Variants in MAPK10 observed in about 807,000 individuals in gnomAD.
MAPK10 encodes mitogen-activated protein kinase 10.
A neutral mutation model predicts 59.3 loss-of-function variants in MAPK10; 25 were observed. That is an observed-to-expected ratio of 0.42 (90% confidence interval 0.31 to 0.59). The LOEUF (loss-of-function observed/expected upper bound fraction) is 0.59. Among genes scored for constraint, MAPK10 ranks in the 20% least tolerant of loss-of-function variants. MAPK10 has a pLI of 0.15. For missense variants in MAPK10, 351 were observed against 568.9 expected, an observed-to-expected ratio of 0.62 and a Z score of 3.90; for synonymous variants, 190 against 200.5, an observed-to-expected ratio of 0.95 and a Z score of 0.44.
intron 1 of MAPK10, among the ~76,000 whole-genome samples, chr4:86,421,014 A>G (rs1018012095): frequency 1.3e-5 from 2 of 151,542 alleles, no homozygotes; most frequent in South Asian, 2.1e-4. Flanking sequence ...CCCGGGAGGC[A>G]GAGGTTGCAG....
At chr4:86,287,109 C>T (rs1017250011) in intron 2 of MAPK10, among the ~76,000 whole-genome samples, 5 of 152,108 alleles carry the variant, frequency 3.3e-5, no homozygotes, top group Non-Finnish European at 7.4e-5. Flanking sequence ...AAAGGAGGAA[C>T]ATTTACCCAG....
At chr4:86,569,635 C>T (rs1194032310) in intron 1 of MAPK10, among the ~76,000 whole-genome samples, 1 of 152,028 alleles carries the variant, frequency 6.6e-6, no homozygotes, top group Non-Finnish European at 1.5e-5. Flanking sequence ...AGGAATAAAA[C>T]CATGTCTTTT....
At chr4:86,420,980 G>A (rs981164919) in intron 1 of MAPK10, among the ~76,000 whole-genome samples, 1 of 151,970 alleles carries the variant, frequency 6.6e-6, no homozygotes, top group African/African-American at 2.4e-5. Flanking sequence ...TGCTTGGGAG[G>A]CTGAGGCAGG....
chr4:86,380,487 G>A (rs974777707), intron 1 of MAPK10, among the ~76,000 whole-genome samples: 3 of 152,160 alleles, frequency 2.0e-5, no homozygotes, highest in African/African-American at 7.2e-5. Context: ...GACTGCCACT[G>A]ACAAACAAGC....
At chr4:86,153,384 T>C (rs1289310821) in intron 4 of MAPK10, among the ~76,000 whole-genome samples, 1 of 152,184 alleles carries the variant, frequency 6.6e-6, no homozygotes, top group Non-Finnish European at 1.5e-5. Flanking sequence ...GCTGTCAGTT[T>C]TTACTACAGG....
At chr4:86,059,833 T>C (rs1306361376) in intron 11 of MAPK10, among the ~76,000 whole-genome samples, 3 of 152,154 alleles carry the variant, frequency 2.0e-5, no homozygotes, top group Admixed American at 2.0e-4. Context: ...CCAGGCCTCA[T>C]TTCCAGCATT....
intron 2 of MAPK10, among the ~76,000 whole-genome samples, chr4:86,248,315 ATCT>A (rs1220769978): frequency 6.6e-6 from 1 of 152,232 alleles, no homozygotes; most frequent in African/African-American, 2.4e-5. Flanking sequence ...GTTTGTTAAC[ATCT>A]TTTGTAAAGC....
intron 1 of MAPK10, among the ~76,000 whole-genome samples, chr4:86,563,165 A>G (rs765814359): frequency 6.6e-6 from 1 of 152,232 alleles, no homozygotes; most frequent in African/African-American, 2.4e-5. Context: ...ATGAGAAGAG[A>G]GCAAATATGT....
chr4:86,191,232 G>T (rs549640562), intron 3 of MAPK10, among the ~76,000 whole-genome samples: 1 of 152,144 alleles, frequency 6.6e-6, no homozygotes. Flanking sequence ...CTGATTTGGG[G>T]TAGAAAGTTC....
intron 1 of MAPK10, among the ~76,000 whole-genome samples, chr4:86,558,599 T>C (rs1422623889): frequency 6.6e-6 from 1 of 152,142 alleles, no homozygotes; most frequent in Non-Finnish European, 1.5e-5. Context: ...TCAGTATCAA[T>C]GTTTCAACAT....
chr4:86,300,038 G>A (rs1329755278), intron 2 of MAPK10, among the ~76,000 whole-genome samples: 1 of 151,874 alleles, frequency 6.6e-6, no homozygotes, highest in Non-Finnish European at 1.5e-5. Context: ...GTTTGCAGGT[G>A]TGCACCACCA....
intron 2 of MAPK10, among the ~76,000 whole-genome samples, chr4:86,307,166 G>A (rs143186846): frequency 6.6e-6 from 1 of 152,198 alleles, no homozygotes; most frequent in African/African-American, 2.4e-5. Context: ...TTTCAGAAGA[G>A]GTCCTTTCTG....
At chr4:86,293,212 T>C (rs1040632297) in intron 2 of MAPK10, among the ~76,000 whole-genome samples, 5 of 152,230 alleles carry the variant, frequency 3.3e-5, no homozygotes, top group Non-Finnish European at 5.9e-5. Flanking sequence ...TTTCAAACTT[T>C]GAGGTACAGG....
intron 1 of MAPK10, among the ~76,000 whole-genome samples, chr4:86,441,656 AAGGTCACAGCAACC>A (rs1161544223): frequency 6.6e-6 from 1 of 152,232 alleles, no homozygotes; most frequent in African/African-American, 2.4e-5. Flanking sequence ...AATTTCAAGC[AAGGTCACAGCAACC>A]TGACATGCCA....
intron 1 of MAPK10, among the ~76,000 whole-genome samples, chr4:86,446,278 C>T (rs1750027941): frequency 1.3e-5 from 2 of 152,064 alleles, no homozygotes; most frequent in African/African-American, 4.8e-5. Context: ...AAAGTAAAAT[C>T]GTGGTAGCAA....
chr4:86,363,190 T>C (rs1737281982), upstream of MAPK10, among the ~76,000 whole-genome samples: 1 of 152,114 alleles, frequency 6.6e-6, no homozygotes, highest in African/African-American at 2.4e-5. Flanking sequence ...TAAATACAAA[T>C]AGAAGTACAC....
At chr4:86,142,619 C>T (rs1035663236) in intron 4 of MAPK10, among the ~76,000 whole-genome samples, 1 of 152,088 alleles carries the variant, frequency 6.6e-6, no homozygotes, top group Non-Finnish European at 1.5e-5. Flanking sequence ...GCTATTGGCT[C>T]TAATCCATAT....
At chr4:86,161,769 T>C (rs2069771100) in intron 3 of MAPK10, among the ~76,000 whole-genome samples, 2 of 152,126 alleles carry the variant, frequency 1.3e-5, no homozygotes, top group African/African-American at 4.8e-5. Flanking sequence ...CTTTCTCAAC[T>C]GTATTGCATG....
chr4:86,404,825 CAGTT>C (rs1744160810), intron 1 of MAPK10, among the ~76,000 whole-genome samples: 1 of 152,136 alleles, frequency 6.6e-6, no homozygotes, highest in Non-Finnish European at 1.5e-5. Context: ...AGTTGTATAG[CAGTT>C]AGAGGCTCCT....
Sources: allele counts gnomAD v4.1 joint callset (sites outside exome capture counted in the v4.1 genomes callset), GRCh38; gene constraint gnomAD v4.1.1; transcripts MANE v1.5; gene names NCBI Gene and HGNC (gene_info 2026-07-23, HGNC 2026-07-21).